CACNB2: variants seen among roughly 807,000 people sequenced by gnomAD.
The protein encoded by CACNB2 is calcium voltage-gated channel auxiliary subunit beta 2.
Under a neutral mutation model 73.3 loss-of-function variants are expected in CACNB2, and 42 were observed. That is an observed-to-expected ratio of 0.57 (90% CI 0.45 to 0.74). The LOEUF (loss-of-function observed/expected upper bound fraction) is 0.74. CACNB2 is among the 30% of genes least tolerant of loss of function. CACNB2 has a pLI of 0.00. For missense variants in CACNB2, 940 were observed against 853.0 expected, an observed-to-expected ratio of 1.10 and a Z score of -1.27; for synonymous variants, 348 against 310.3, an observed-to-expected ratio of 1.12 and a Z score of -1.28.
intron 2 of CACNB2, among the ~76,000 whole-genome samples, chr10:18,306,539 A>G (rs796698505): frequency 3.9e-5 from 6 of 152,322 alleles, no homozygotes; most frequent in African/African-American, 1.4e-4. Flanking sequence ...GAGGCAGAAG[A>G]AGGAGAAAGA....
intron 3 of CACNB2, among the ~76,000 whole-genome samples, chr10:18,405,951 A>AAAACAAACAAAC (rs74599200): frequency 1.3e-5 from 2 of 151,270 alleles, no homozygotes; most frequent in African/African-American, 4.9e-5. Context: ...GACTCTGTCA[A>AAAACAAACAAAC]AAACAAACAA....
intron 2 of CACNB2, among the ~76,000 whole-genome samples, chr10:18,384,996 C>T (rs913694261): frequency 6.6e-6 from 1 of 151,578 alleles, no homozygotes; most frequent in Non-Finnish European, 1.5e-5. Flanking sequence ...AGAACAGTTG[C>T]CGGCTGGGTG....
At chr10:18,378,524 G>A (rs1264163903) in intron 2 of CACNB2, among the ~76,000 whole-genome samples, 4 of 152,144 alleles carry the variant, frequency 2.6e-5, no homozygotes, top group African/African-American at 7.2e-5. Flanking sequence ...TAAGGCAGGG[G>A]GATCACTTGA....
At chr10:18,497,806 G>A (rs571693756) in intron 3 of CACNB2, among the ~76,000 whole-genome samples, 8 of 152,272 alleles carry the variant, frequency 5.3e-5, no homozygotes, top group South Asian at 4.1e-4. Flanking sequence ...ACTCAAGTAG[G>A]AGAAATAATA....
At chr10:18,502,684 C>T in intron 5 of CACNB2, among the ~76,000 whole-genome samples, 1 of 84,152 alleles carries the variant, frequency 1.2e-5, no homozygotes. Flanking sequence ...AGCAAGACTC[C>T]ATCTCAAAAA....
chr10:18,189,145 T>A (rs972274606), intron 2 of CACNB2, among the ~76,000 whole-genome samples: 32 of 151,732 alleles, frequency 2.1e-4, no homozygotes, highest in Middle Eastern at 6.8e-3. Flanking sequence ...TTTGTTTTTT[T>A]AAAAAAAAAT....
At chr10:18,531,857 T>G (rs890349993) in intron 10 of CACNB2, 1 of 152,204 alleles carries the variant, frequency 6.6e-6, no homozygotes, top group Admixed American at 6.5e-5. Context: ...TGTTCATTTT[T>G]CAGTTTAATT....
At chr10:18,485,928 T>TTTC (rs1248618979) in intron 3 of CACNB2, among the ~76,000 whole-genome samples, 4 of 151,742 alleles carry the variant, frequency 2.6e-5, no homozygotes, top group Admixed American at 6.6e-5. Context: ...TTTTTTTTTT[T>TTTC]TTCATTTCTC....
intron 2 of CACNB2, among the ~76,000 whole-genome samples, chr10:18,183,504 C>G (rs2033993379): frequency 6.6e-6 from 1 of 152,152 alleles, no homozygotes; most frequent in Non-Finnish European, 1.5e-5. Flanking sequence ...GGAGGCCTCA[C>G]AATCATGGTG....
chr10:18,432,601 A>G (rs1487173032), intron 3 of CACNB2, among the ~76,000 whole-genome samples: 1 of 152,150 alleles, frequency 6.6e-6, no homozygotes, highest in East Asian at 1.9e-4. Context: ...GGGAGGCCAG[A>G]GGCAAGCAGA....
intron 2 of CACNB2, among the ~76,000 whole-genome samples, chr10:18,365,466 A>G (rs547900021): frequency 2.3e-4 from 35 of 152,160 alleles, no homozygotes; most frequent in Non-Finnish European, 4.4e-4. Flanking sequence ...TTTTATTCCA[A>G]ATGCCACCCA....
intron 3 of CACNB2, among the ~76,000 whole-genome samples, chr10:18,443,737 CAG>C (rs1473089913): frequency 8.7e-6 from 1 of 115,566 alleles, no homozygotes; most frequent in Non-Finnish European, 1.8e-5. Flanking sequence ...TTTTTTTAAA[CAG>C]AGTCTCACTC....
intron 2 of CACNB2, among the ~76,000 whole-genome samples, chr10:18,174,715 T>A (rs1214822355): frequency 3.3e-5 from 5 of 152,154 alleles, no homozygotes; most frequent in Non-Finnish European, 7.3e-5. Flanking sequence ...AGACATTTTA[T>A]TTCTGACTTG....
chr10:18,244,961 T>TG (rs1412518126), intron 2 of CACNB2, among the ~76,000 whole-genome samples: 2 of 152,094 alleles, frequency 1.3e-5, no homozygotes, highest in African/African-American at 4.8e-5. Context: ...AGAAGGAAAT[T>TG]GCAGTTGCTG....
intron 3 of CACNB2, among the ~76,000 whole-genome samples, chr10:18,409,181 C>T (rs1472401784): frequency 6.6e-6 from 1 of 152,066 alleles, no homozygotes; most frequent in African/African-American, 2.4e-5. Flanking sequence ...CATCTGTAAG[C>T]CCAGCTATCC....
chr10:18,515,431 C>G (rs563509298), intron 7 of CACNB2, among the ~76,000 whole-genome samples: 1 of 152,188 alleles, frequency 6.6e-6, no homozygotes, highest in Non-Finnish European at 1.5e-5. Context: ...TATTCTCACA[C>G]GCAGATGTGA....
At chr10:18,390,727 A>G (rs538418385) in intron 2 of CACNB2, among the ~76,000 whole-genome samples, 3 of 152,214 alleles carry the variant, frequency 2.0e-5, no homozygotes, top group African/African-American at 7.2e-5. Flanking sequence ...CCATCTCTAT[A>G]GGAATGTCAG....
intron 3 of CACNB2, among the ~76,000 whole-genome samples, chr10:18,466,929 C>T (rs59643842): frequency 0.013 from 1,982 of 152,178 alleles, 50 homozygotes; most frequent in African/African-American, 0.045. Flanking sequence ...CCGAGACGGG[C>T]GGTTCACTTG....
chr10:18,381,023 A>G (rs1164663821), intron 2 of CACNB2, among the ~76,000 whole-genome samples: 2 of 151,804 alleles, frequency 1.3e-5, no homozygotes, highest in African/African-American at 4.8e-5. Flanking sequence ...CACCACCAGG[A>G]GCCCCTCTGA....
Sources: allele counts gnomAD v4.1 joint callset (sites outside exome capture counted in the v4.1 genomes callset), GRCh38; gene constraint gnomAD v4.1.1; transcripts MANE v1.5; gene names NCBI Gene and HGNC (gene_info 2026-07-23, HGNC 2026-07-21).